TDRD9: variants seen among roughly 807,000 people sequenced by gnomAD.
TDRD9 encodes the protein ATP-dependent RNA helicase TDRD9.
Under a neutral mutation model 172.6 loss-of-function variants are expected in TDRD9, and 124 were observed. The observed-to-expected ratio is 0.72, with a 90% CI of 0.62 to 0.83. The LOEUF (loss-of-function observed/expected upper bound fraction) is 0.83. TDRD9 is among the 40% of genes least tolerant of loss of function. The pLI, the probability that TDRD9 is intolerant of heterozygous loss-of-function variation, is 0.00. For synonymous variants in TDRD9, 619 were observed against 617.1 expected, an observed-to-expected ratio of 1.00 and a Z score of -0.05; for missense variants, 1,479 against 1,714.1, an observed-to-expected ratio of 0.86 and a Z score of 2.42.
At chr14:103,986,930 A>G (rs960175250) in intron 8 of TDRD9, among the ~76,000 whole-genome samples, 1 of 152,196 alleles carries the variant, frequency 6.6e-6, no homozygotes, top group East Asian at 1.9e-4. Context: ...CCTGGCCAAC[A>G]TGGTGAAACC....
intron 6 of TDRD9, 137 bp downstream of exon 6, chr14:103,970,758 G>A (rs2032986353): frequency 1.5e-6 from 1 of 665,022 alleles, no homozygotes; most frequent in African/African-American, 1.8e-5. Flanking sequence ...GGATCCTCAA[G>A]TGCCTTATAT....
intron 28 of TDRD9, among the ~76,000 whole-genome samples, chr14:104,030,728 A>G (rs2035255595): frequency 6.6e-6 from 1 of 152,220 alleles, no homozygotes; most frequent in Admixed American, 6.5e-5. Flanking sequence ...TATCGCAAGG[A>G]CAAAAAACCA....
Position 104,005,352 on chromosome 14 carries a change from C to T in TDRD9, c.1660C>T (p.Leu554Phe), listed in dbSNP as rs536481447. ...GEPRALLATA[L>F]SPPGLSDIER... ...GCCGAGAGCTCTGCTGGCCACTGCCCTTTCCCCGCCTGGTCTGAGTGACAT... is the reference window on the plus strand; with the variant it reads ...GCCGAGAGCTCTGCTGGCCACTGCCTTTTCCCCGCCTGGTCTGAGTGACAT... The change falls in exon 15 of 36, where the codon CTT becomes TTT. Residue 554 changes from leucine (L) to phenylalanine (F), a missense_variant. Coordinates refer to ENST00000409874, the MANE Select transcript of TDRD9 (RefSeq NM_153046.3). 3.1e-6 allele frequency: 5 copies of T among 1,613,872 alleles called. No individual in the cohort carries two copies. Among genetic ancestry groups the T allele is most frequent in the Non-Finnish European group, 4.2e-6 (5 of 1,179,884 alleles).
chr14:104,034,639 A>G (rs529344041), intron 31 of TDRD9, among the ~76,000 whole-genome samples: 1 of 152,328 alleles, frequency 6.6e-6, no homozygotes, highest in South Asian at 2.1e-4. Flanking sequence ...CTGCTTGGCT[A>G]CAGAGTAGAA....
Position 104,052,421 on chromosome 14 carries a change from T to C in TDRD9, c.*339T>C, listed in dbSNP as rs2035959410. On this transcript the variant is annotated 3_prime_UTR_variant, in exon 36 of 36. Transcript: ENST00000409874. ...AAATATAAGTAGTTAATCTTAGATG[T>C]AAGGTTCCAGAATGTGCTTACATAT... The C allele has an allele frequency of 5.8e-6, 1 of 173,348 alleles. No individual in the cohort carries two copies. Among genetic ancestry groups the C allele is most frequent in the Admixed American group, 5.6e-5 (1 of 17,818 alleles). The allele number at this position is 173,348 out of a possible 1,614,324, so 10.7% of individuals were successfully genotyped here.
chr14:104,024,747 T>C, intron 25 of TDRD9, 67 bp downstream of exon 25: 1 of 664,966 alleles, frequency 1.5e-6, no homozygotes, highest in South Asian at 1.7e-5. Flanking sequence ...ATACAGGAAG[T>C]TTACACACAC....
intron 13 of TDRD9, among the ~76,000 whole-genome samples, chr14:104,000,367 A>G (rs2034220412): frequency 1.3e-5 from 2 of 151,560 alleles, no homozygotes; most frequent in Admixed American, 6.6e-5. Flanking sequence ...AGAGGTTCTC[A>G]TCACTTTGGA....
intron 8 of TDRD9, among the ~76,000 whole-genome samples, chr14:103,987,123 TACACACACAC>T (rs143714763): frequency 1.6e-3 from 231 of 145,794 alleles, no homozygotes; most frequent in African/African-American, 5.0e-3. Context: ...AAAAAATATA[TACACACACAC>T]ACACACACAC....
chr14:104,029,417 C>T (rs1275953824), intron 28 of TDRD9, among the ~76,000 whole-genome samples: 8 of 151,976 alleles, frequency 5.3e-5, no homozygotes, highest in Admixed American at 1.3e-4. Context: ...ATATATTCCT[C>T]GGTATTTTAT....
At chr14:103,986,135 G>C in intron 7 of TDRD9, 82 bp from the exon 8 acceptor site, 1 of 943,370 alleles carries the variant, frequency 1.1e-6, no homozygotes, top group Non-Finnish European at 1.7e-6. Flanking sequence ...TGTACTAATG[G>C]TGAGAGCCAG....
chr14:104,052,096 T>C lies in TDRD9; in HGVS notation c.*14T>C. On this transcript the variant is annotated 3_prime_UTR_variant, in exon 36 of 36. Coordinates refer to ENST00000409874, the MANE Select transcript of TDRD9 (RefSeq NM_153046.3). ...CTCGGCACCTGAGCATGTCCACAGGTGGCCTCCAGCACACCCCTCAGGAAG... is the reference window on the plus strand; with the variant it reads ...CTCGGCACCTGAGCATGTCCACAGGCGGCCTCCAGCACACCCCTCAGGAAG... The C allele has an allele frequency of 6.4e-7, 1 of 1,550,646 alleles. No homozygotes were observed. Among genetic ancestry groups the C allele is most frequent in the Non-Finnish European group, 8.7e-7 (1 of 1,143,990 alleles).
chr14:104,014,528 A>G (rs2034723839), intron 20 of TDRD9, among the ~76,000 whole-genome samples, 197 bp from the exon 21 acceptor site: 1 of 152,024 alleles, frequency 6.6e-6, no homozygotes, highest in South Asian at 2.1e-4. Flanking sequence ...TGATCTCCCA[A>G]CCTTGGCCTC....
intron 30 of TDRD9, among the ~76,000 whole-genome samples, chr14:104,033,070 A>C (rs533083377): frequency 7.1e-6 from 1 of 141,572 alleles, no homozygotes; most frequent in Non-Finnish European, 1.5e-5. Context: ...GGTGGGGGGA[A>C]GGGAGGTGCC....
chr14:103,952,190 G>GTGTATATATA (rs1366094210), intron 1 of TDRD9, among the ~76,000 whole-genome samples: 87 of 55,514 alleles, frequency 1.6e-3, no homozygotes, highest in East Asian at 6.0e-3. Flanking sequence ...GCGTGTGTGT[G>GTGTATATATA]TATATATATA....
intron 14 of TDRD9, 128 bp from the exon 15 acceptor site, chr14:104,005,146 C>G: frequency 1.2e-6 from 1 of 820,938 alleles, no homozygotes; most frequent in Non-Finnish European, 1.9e-6. Flanking sequence ...TCCCTCAATC[C>G]TCTCCATTTT....
chr14:103,962,670 A>G (rs2032561712), intron 2 of TDRD9, among the ~76,000 whole-genome samples: 1 of 151,864 alleles, frequency 6.6e-6, no homozygotes, highest in African/African-American at 2.4e-5. Flanking sequence ...AGTGTCTGTT[A>G]TTCCCATCTT....
At chr14:103,968,178 G>A (rs554705257) in intron 5 of TDRD9, among the ~76,000 whole-genome samples, 1 of 152,366 alleles carries the variant, frequency 6.6e-6, no homozygotes, top group South Asian at 2.1e-4. Context: ...TAATAGCTGA[G>A]CAAAAGTTAG....
chr14:103,972,335 T>TC (rs1340325981), intron 6 of TDRD9, among the ~76,000 whole-genome samples: 2 of 151,402 alleles, frequency 1.3e-5, no homozygotes, highest in Admixed American at 6.6e-5. Flanking sequence ...AAACAAAAAG[T>TC]AAGTGAATGA....
At chr14:104,014,110 GC>G (rs1212817457) in intron 20 of TDRD9, among the ~76,000 whole-genome samples, 5 of 151,352 alleles carry the variant, frequency 3.3e-5, no homozygotes, top group African/African-American at 1.2e-4. Context: ...GTACCTGTAG[GC>G]CCAGCTACTC....
Sources: gnomAD v4.1 joint callset for allele counts (sites outside exome capture counted in the v4.1 genomes callset) on GRCh38, gnomAD v4.1.1 for gene constraint, MANE v1.5 for transcripts, NCBI Gene and HGNC (gene_info 2026-07-23, HGNC 2026-07-21) for gene names.